The following ADK variants were observed in gnomAD, a reference collection of about 807,000 sequenced individuals.
ADK encodes the protein N6,N6-dimethyladenosine kinase.
ADK carries 24 observed loss-of-function variants against 44.7 expected under a neutral mutation model. That is an observed-to-expected ratio of 0.54 (90% CI 0.39 to 0.76). The LOEUF is 0.76. Among genes scored for constraint, ADK ranks in the 30% least tolerant of loss-of-function variants. ADK has a pLI of 0.00. For missense variants in ADK, 321 were observed against 425.1 expected, an observed-to-expected ratio of 0.76 and a Z score of 2.15; for synonymous variants, 128 against 142.6, an observed-to-expected ratio of 0.90 and a Z score of 0.73.
chr10:74,651,656 A>G (rs1854278823), intron 9 of ADK, among the ~76,000 whole-genome samples: 1 of 152,214 alleles, frequency 6.6e-6, no homozygotes, highest in Non-Finnish European at 1.5e-5. Flanking sequence ...TCAGGAAAAA[A>G]GAACATAGAT....
chr10:74,488,374 C>CGT (rs60178427), intron 6 of ADK, among the ~76,000 whole-genome samples: 28,474 of 140,650 alleles, frequency 0.2, 2,736 homozygotes, highest in East Asian at 0.25. Context: ...GGAAAAAAGA[C>CGT]GTGTGTGTGT....
intron 3 of ADK, among the ~76,000 whole-genome samples, chr10:74,303,604 T>TTTTTTTTTTG (rs1840150271): frequency 7.3e-6 from 1 of 137,852 alleles, no homozygotes. Flanking sequence ...TTTTTTTTTT[T>TTTTTTTTTTG]TTTTTTTTTT....
chr10:74,306,042 AT>A (rs889203857), intron 3 of ADK, among the ~76,000 whole-genome samples: 23 of 146,886 alleles, frequency 1.6e-4, no homozygotes, highest in South Asian at 1.1e-3. Flanking sequence ...TATTTTTTCA[AT>A]TTTTTTTTTT....
intron 2 of ADK, among the ~76,000 whole-genome samples, chr10:74,210,107 ATCAC>A (rs1180143904): frequency 6.6e-6 from 1 of 152,178 alleles, no homozygotes; most frequent in East Asian, 1.9e-4. Context: ...AGGTGAACGG[ATCAC>A]CTGAGGTCAG....
chr10:74,438,269 G>C (rs1845257081), intron 6 of ADK, among the ~76,000 whole-genome samples: 1 of 150,000 alleles, frequency 6.7e-6, no homozygotes. Flanking sequence ...CTGTCACCCA[G>C]GCTGGAGTGC....
intron 3 of ADK, among the ~76,000 whole-genome samples, chr10:74,239,279 G>C (rs1445219294): frequency 6.6e-6 from 1 of 151,816 alleles, no homozygotes; most frequent in African/African-American, 2.4e-5. Flanking sequence ...ATTGTTACTT[G>C]ATGTTTGGAG....
intron 3 of ADK, among the ~76,000 whole-genome samples, chr10:74,232,300 G>A (rs545640172): frequency 6.6e-6 from 1 of 152,046 alleles, no homozygotes; most frequent in Non-Finnish European, 1.5e-5. Flanking sequence ...AGGTAGATCA[G>A]TTGAGCTCAG....
intron 1 of ADK, among the ~76,000 whole-genome samples, chr10:74,155,035 AC>A (rs1399249994): frequency 2.0e-4 from 31 of 152,360 alleles, no homozygotes; most frequent in Admixed American, 2.0e-3. Flanking sequence ...AAGGATCATG[AC>A]TTTTAATAGT....
At chr10:74,461,165 T>C (rs1020380788) in intron 6 of ADK, among the ~76,000 whole-genome samples, 4 of 152,032 alleles carry the variant, frequency 2.6e-5, no homozygotes, top group African/African-American at 9.7e-5. Flanking sequence ...TTTTAAACAA[T>C]GCCATTTAAG....
intron 3 of ADK, among the ~76,000 whole-genome samples, chr10:74,310,132 G>T (rs1840384749): frequency 6.6e-6 from 1 of 152,086 alleles, no homozygotes; most frequent in Non-Finnish European, 1.5e-5. Flanking sequence ...TTTGATTGAG[G>T]TGTTTATATG....
At chr10:74,325,757 GT>G (rs1328119843) in intron 4 of ADK, among the ~76,000 whole-genome samples, 1 of 152,048 alleles carries the variant, frequency 6.6e-6, no homozygotes, top group Non-Finnish European at 1.5e-5. Flanking sequence ...TGCATTTAAT[GT>G]GATATATCAC....
rs185859912 is a variant in ADK at position 74,460,909 on chromosome 10, C to T, written c.555+62330C>T. Reference sequence around the variant, plus strand: ...TCCATTTTATTCAGAATGTCTCTGTCAGAAATTATGTCATCACTATGGACT... The same window carrying T: ...TCCATTTTATTCAGAATGTCTCTGTTAGAAATTATGTCATCACTATGGACT... On this transcript the variant is annotated intron_variant, in intron 6 of 10. Coordinates refer to ENST00000539909, the MANE Select transcript of ADK (RefSeq NM_006721.4). Among the ~76,000 whole-genome samples, 18 of 152,250 alleles carry T rather than the reference C, an allele frequency of 1.2e-4. No homozygotes were observed. The East Asian group carries it at 3.1e-3, about 26-fold the overall frequency.
At chr10:74,615,999 G>A (rs548540992) in intron 9 of ADK, among the ~76,000 whole-genome samples, 4 of 152,190 alleles carry the variant, frequency 2.6e-5, no homozygotes, top group South Asian at 2.1e-4. Flanking sequence ...GTGAGCCATC[G>A]TGCCTGGCCT....
At chr10:74,703,477 A>G (rs1185911400) in intron 10 of ADK, among the ~76,000 whole-genome samples, 3 of 152,094 alleles carry the variant, frequency 2.0e-5, no homozygotes, top group Admixed American at 6.5e-5. Context: ...TCAGAGTAAG[A>G]CCCTGTCTCA....
At chr10:74,536,660 A>G (rs1051464972) in intron 7 of ADK, among the ~76,000 whole-genome samples, 1 of 150,994 alleles carries the variant, frequency 6.6e-6, no homozygotes, top group African/African-American at 2.4e-5. Flanking sequence ...ATAACTCACT[A>G]TTTCCTGTTT....
At chr10:74,351,206 A>G (rs1841952061) in intron 4 of ADK, among the ~76,000 whole-genome samples, 1 of 152,224 alleles carries the variant, frequency 6.6e-6, no homozygotes, top group Non-Finnish European at 1.5e-5. Context: ...GAATCCAGCG[A>G]CATGTCAAAA....
intron 6 of ADK, among the ~76,000 whole-genome samples, chr10:74,454,771 A>G (rs1327523889): frequency 6.6e-6 from 1 of 152,236 alleles, no homozygotes. Context: ...ATTAGGTTCA[A>G]TGGTGAAATG....
intron 4 of ADK, among the ~76,000 whole-genome samples, chr10:74,350,484 C>T (rs1313325869): frequency 6.6e-6 from 1 of 151,934 alleles, no homozygotes; most frequent in African/African-American, 2.4e-5. Flanking sequence ...AATCAACACC[C>T]CAACATCACA....
intron 4 of ADK, among the ~76,000 whole-genome samples, chr10:74,386,978 C>T (rs1843164278): frequency 6.6e-6 from 1 of 151,218 alleles, no homozygotes; most frequent in Admixed American, 6.6e-5. Context: ...GCTGTGTCAC[C>T]CAGGCTGTAG....
Sources: allele counts gnomAD v4.1 joint callset (sites outside exome capture counted in the v4.1 genomes callset), GRCh38; gene constraint gnomAD v4.1.1; transcripts MANE v1.5; gene names NCBI Gene and HGNC (gene_info 2026-07-23, HGNC 2026-07-21).